The following ZNF385D variants were observed in gnomAD, a reference collection of about 807,000 sequenced individuals.
ZNF385D encodes zinc finger protein 385D.
In ZNF385D, 15 loss-of-function variants were observed where a neutral mutation model predicts 35.8. That is an observed-to-expected ratio of 0.42 (90% CI 0.28 to 0.64). ZNF385D has a LOEUF of 0.64. ZNF385D is among the 30% of genes least tolerant of loss of function. The pLI is 0.23. For missense variants in ZNF385D, 474 were observed against 494.6 expected, an observed-to-expected ratio of 0.96 and a Z score of 0.39; for synonymous variants, 212 against 186.8, an observed-to-expected ratio of 1.13 and a Z score of -1.10.
chr3:22,000,021 C>T (rs990635439), intron 3 of ZNF385D, among the ~76,000 whole-genome samples: 3 of 152,068 alleles, frequency 2.0e-5, no homozygotes, highest in Non-Finnish European at 4.4e-5. Flanking sequence ...AAGGTTTTAT[C>T]TAGGCCGGGC....
intron 1 of ZNF385D, among the ~76,000 whole-genome samples, chr3:21,717,486 T>C (rs1216944762): frequency 1.3e-5 from 2 of 152,312 alleles, no homozygotes; most frequent in East Asian, 3.9e-4. Context: ...CAATGTAATC[T>C]TGCCAAAATA....
intron 1 of ZNF385D, among the ~76,000 whole-genome samples, chr3:21,705,249 G>C (rs1158120049): frequency 6.6e-6 from 1 of 152,074 alleles, no homozygotes; most frequent in Non-Finnish European, 1.5e-5. Flanking sequence ...CCAAATCCCT[G>C]CTTAATAAAA....
intron 2 of ZNF385D, among the ~76,000 whole-genome samples, chr3:22,207,174 G>C (rs1697211267): frequency 6.6e-6 from 1 of 151,846 alleles, no homozygotes; most frequent in African/African-American, 2.4e-5. Flanking sequence ...TTAATTTCTA[G>C]ACACATACAA....
At chr3:21,898,145 G>C (rs981479153) in intron 3 of ZNF385D, among the ~76,000 whole-genome samples, 10 of 152,062 alleles carry the variant, frequency 6.6e-5, no homozygotes, top group African/African-American at 2.4e-4. Context: ...TATTACTTTT[G>C]AGGCCAATTT....
At chr3:21,813,333 G>A (rs377728971) in intron 3 of ZNF385D, among the ~76,000 whole-genome samples, 2 of 152,196 alleles carry the variant, frequency 1.3e-5, no homozygotes, top group Non-Finnish European at 2.9e-5. Context: ...ATGGAACAAA[G>A]CTGGACAAAG....
At chr3:21,921,637 A>G (rs927814201) in intron 3 of ZNF385D, among the ~76,000 whole-genome samples, 1 of 152,028 alleles carries the variant, frequency 6.6e-6, no homozygotes, top group Non-Finnish European at 1.5e-5. Context: ...CTAAAAAAAG[A>G]GACATAAATA....
At chr3:21,585,339 T>G (rs1413116292) in intron 2 of ZNF385D, among the ~76,000 whole-genome samples, 18 of 152,202 alleles carry the variant, frequency 1.2e-4, no homozygotes, top group Non-Finnish European at 7.3e-5. Flanking sequence ...TTTCCTTTTC[T>G]TGGAATACAT....
chr3:21,715,585 A>G (rs915084224), intron 1 of ZNF385D, among the ~76,000 whole-genome samples: 5 of 151,068 alleles, frequency 3.3e-5, no homozygotes, highest in Non-Finnish European at 5.9e-5. Context: ...TTTTTTAAAT[A>G]TATTGATTTT....
At chr3:21,536,065 C>A (rs924978517) in intron 3 of ZNF385D, among the ~76,000 whole-genome samples, 1 of 128,264 alleles carries the variant, frequency 7.8e-6, no homozygotes, top group African/African-American at 2.9e-5. Context: ...TTAGGCACTG[C>A]CAAAGCCTTT....
intron 2 of ZNF385D, among the ~76,000 whole-genome samples, chr3:22,295,865 G>T (rs1485073808): frequency 6.6e-6 from 1 of 152,000 alleles, no homozygotes; most frequent in Non-Finnish European, 1.5e-5. Flanking sequence ...CCTCCCAATG[G>T]CATTGTTGAT....
intron 3 of ZNF385D, among the ~76,000 whole-genome samples, chr3:21,956,380 A>G (rs1215534526): frequency 6.6e-6 from 1 of 151,918 alleles, no homozygotes; most frequent in Non-Finnish European, 1.5e-5. Flanking sequence ...ATTTTATAAT[A>G]TAATAGTAAT....
chr3:22,039,585 G>C (rs1465887838), intron 3 of ZNF385D, among the ~76,000 whole-genome samples: 2 of 151,938 alleles, frequency 1.3e-5, no homozygotes, highest in East Asian at 3.9e-4. Context: ...TAAAAATCTA[G>C]GCATTAAGCT....
intron 2 of ZNF385D, among the ~76,000 whole-genome samples, chr3:21,609,199 A>G (rs721624): frequency 0.52 from 79,042 of 151,982 alleles, 20,823 homozygotes; most frequent in East Asian, 0.66. Flanking sequence ...AGTAAAACCT[A>G]CTGGCCCGCA....
chr3:21,690,379 A>G (rs1314150360), intron 1 of ZNF385D, among the ~76,000 whole-genome samples: 1 of 152,196 alleles, frequency 6.6e-6, no homozygotes, highest in Non-Finnish European at 1.5e-5. Context: ...GAGTCCTACT[A>G]TCTGACCCTG....
chr3:22,276,751 C>G (rs1372349691), intron 2 of ZNF385D, among the ~76,000 whole-genome samples: 1 of 152,122 alleles, frequency 6.6e-6, no homozygotes, highest in Non-Finnish European at 1.5e-5. Context: ...CTGGCCTTTG[C>G]TGCTTATGGA....
chr3:22,362,709 C>A (rs1254318458), intron 2 of ZNF385D, among the ~76,000 whole-genome samples: 3 of 151,940 alleles, frequency 2.0e-5, no homozygotes, highest in African/African-American at 2.4e-5. Flanking sequence ...CTGCATAGAT[C>A]ATATTTATAA....
At chr3:21,499,695 G>A (rs1706222332) in intron 4 of ZNF385D, among the ~76,000 whole-genome samples, 1 of 151,814 alleles carries the variant, frequency 6.6e-6, no homozygotes. Context: ...GCCCAAATGG[G>A]TCAGTATCAT....
chr3:22,281,118 G>C (rs1701714944), intron 2 of ZNF385D, among the ~76,000 whole-genome samples: 1 of 152,014 alleles, frequency 6.6e-6, no homozygotes, highest in South Asian at 2.1e-4. Context: ...TCATTTATCA[G>C]CTACAGGAGC....
chr3:21,998,049 T>C (rs532838720), intron 3 of ZNF385D, among the ~76,000 whole-genome samples: 9 of 152,172 alleles, frequency 5.9e-5, no homozygotes, highest in African/African-American at 2.2e-4. Flanking sequence ...ATTTTATTAA[T>C]AATATATTTG....
Sources: allele counts gnomAD v4.1 joint callset (sites outside exome capture counted in the v4.1 genomes callset), GRCh38; gene constraint gnomAD v4.1.1; transcripts MANE v1.5; gene names NCBI Gene and HGNC (gene_info 2026-07-23, HGNC 2026-07-21).